Variants in NRG1 observed in about 807,000 individuals in gnomAD.
NRG1 encodes the protein pro-neuregulin-1, membrane-bound isoform.
NRG1 carries 18 observed loss-of-function variants against 63.8 expected under a neutral mutation model. The ratio of observed to expected loss-of-function variants is 0.28; its 90% confidence interval spans 0.19 to 0.42. The LOEUF (loss-of-function observed/expected upper bound fraction) is 0.42, where lower values mean the gene tolerates loss of function less well. Ranked by LOEUF, NRG1 falls within the 10% of genes least tolerant of loss-of-function variation. The probability of loss-of-function intolerance (pLI) is 1.00; values close to 1 mark genes in which losing one functional copy is unlikely to be tolerated. For missense variants in NRG1, 762 were observed against 814.7 expected, an observed-to-expected ratio of 0.94 and a Z score of 0.79; for synonymous variants, 302 against 301.3, an observed-to-expected ratio of 1.00 and a Z score of -0.02.
chr8:31,758,051 GATTTATTT>G lies in NRG1; in HGVS notation c.37+118636_37+118643del, dbSNP rs142445409. ...TACAGTGGGTACTCTGTTGTGCCTG[GATTTATTT>G]ATTTATTTATTTATTACACCTTTAA... On this transcript the variant is annotated intron_variant, in intron 1 of 10. Transcript: ENST00000519301. 5.5e-3 allele frequency among the ~76,000 whole-genome samples: 834 copies of G among 151,940 alleles called. 9 individuals are homozygous for G. The highest frequency in any genetic ancestry group is 0.019 in the African/African-American group (793 of 41,448).
At chr8:32,539,649 A>G (rs1264859067) in intron 1 of NRG1, among the ~76,000 whole-genome samples, 1 of 152,202 alleles carries the variant, frequency 6.6e-6, no homozygotes, top group Non-Finnish European at 1.5e-5. Flanking sequence ...AAAACAACTT[A>G]CAGCTGTAGA....
intron 1 of NRG1, among the ~76,000 whole-genome samples, chr8:32,565,361 G>A (rs1837258631): frequency 6.6e-6 from 1 of 152,080 alleles, no homozygotes; most frequent in Non-Finnish European, 1.5e-5. Context: ...GACCTCAAGC[G>A]ATCCTTCTAC....
intron 1 of NRG1, among the ~76,000 whole-genome samples, chr8:31,889,836 G>A (rs911659924): frequency 3.3e-5 from 5 of 152,168 alleles, no homozygotes; most frequent in African/African-American, 1.2e-4. Flanking sequence ...TGGTTTGCAT[G>A]TTCCATGCAA....
At chr8:32,368,253 G>A (rs1344185614) in intron 1 of NRG1, among the ~76,000 whole-genome samples, 3 of 152,160 alleles carry the variant, frequency 2.0e-5, no homozygotes, top group East Asian at 3.9e-4. Context: ...GAGAGACTGA[G>A]CTTAATTTCT....
At chr8:32,480,747 A>G (rs1825161571) in intron 1 of NRG1, among the ~76,000 whole-genome samples, 1 of 152,164 alleles carries the variant, frequency 6.6e-6, no homozygotes, top group Non-Finnish European at 1.5e-5. Flanking sequence ...GAGCCCACAT[A>G]TCAGATGGTG....
At position 31,927,549 on chromosome 8, in the gene NRG1, C is replaced by T. The variant is rs942898178; in HGVS notation, c.37+288118C>T. On this transcript the variant is annotated intron_variant, in intron 1 of 10. Transcript: ENST00000519301. Reference sequence around the variant, plus strand: ...CTGCAAGCTCCGCCTCCGGGGTTCACGCCATTCTCCTGCCTCAGCCTCCCA... The same window carrying T: ...CTGCAAGCTCCGCCTCCGGGGTTCATGCCATTCTCCTGCCTCAGCCTCCCA... Among the ~76,000 whole-genome samples the T allele has an allele frequency of 4.4e-3, 645 of 146,578 alleles. 8 individuals carry two copies. The highest frequency in any genetic ancestry group is 3.0e-3 in the Non-Finnish European group (197 of 66,624).
At chr8:32,564,134 C>T (rs1836992972) in intron 1 of NRG1, among the ~76,000 whole-genome samples, 1 of 152,092 alleles carries the variant, frequency 6.6e-6, no homozygotes, top group Admixed American at 6.5e-5. Context: ...ACAGAGAATG[C>T]TGTCTGTCAT....
At chr8:31,863,892 A>T (rs531398111) in intron 1 of NRG1, among the ~76,000 whole-genome samples, 1 of 152,346 alleles carries the variant, frequency 6.6e-6, no homozygotes, top group African/African-American at 2.4e-5. Context: ...AGCAATCGCT[A>T]TTCTAAGAAA....
At chr8:32,066,014 C>T (rs187231679) in intron 1 of NRG1, among the ~76,000 whole-genome samples, 31 of 152,326 alleles carry the variant, frequency 2.0e-4, no homozygotes, top group African/African-American at 7.0e-4. Context: ...CTATCCTTTG[C>T]CCACTTTTTG....
At chr8:32,418,003 T>G (rs545935724) in intron 1 of NRG1, among the ~76,000 whole-genome samples, 19 of 152,292 alleles carry the variant, frequency 1.2e-4, no homozygotes, top group African/African-American at 4.1e-4. Context: ...TAAATCCTTA[T>G]GATAGTTTTG....
At chr8:32,631,474 G>A (rs1850300100) in intron 5 of NRG1, among the ~76,000 whole-genome samples, 1 of 152,152 alleles carries the variant, frequency 6.6e-6, no homozygotes, top group African/African-American at 2.4e-5. Context: ...CGACACAGCC[G>A]AACTTTCTAG....
intron 1 of NRG1, among the ~76,000 whole-genome samples, chr8:32,014,035 C>T (rs1815138598): frequency 6.6e-6 from 1 of 152,264 alleles, no homozygotes; most frequent in Admixed American, 6.5e-5. Flanking sequence ...CTCACATCAC[C>T]TTTTCTTTTA....
rs538604785 is a variant in NRG1 at position 32,285,863 on chromosome 8, G to A, written c.38-309965G>A. Among the ~76,000 whole-genome samples, 6 of 152,254 alleles carry A rather than the reference G, an allele frequency of 3.9e-5. No homozygotes were observed. In the South Asian group the frequency reaches 1.2e-3, roughly 32 times the overall value. On this transcript the variant is annotated intron_variant, in intron 1 of 10. Coordinates refer to the NRG1 transcript ENST00000519301. ...TGAACAAACTCTGGCTGCTCTTTAA[G>A]TTCAATGAAGTGAAAAAAAGGCAAG...
intron 1 of NRG1, chr8:31,639,958 G>A: frequency 8.9e-7 from 1 of 1,125,332 alleles, no homozygotes; most frequent in Non-Finnish European, 1.1e-6. Context: ...CGAACCGACA[G>A]CCAGAAGCCC....
At chr8:32,707,253 TAAC>T (rs1353443460) in intron 5 of NRG1, among the ~76,000 whole-genome samples, 3 of 152,056 alleles carry the variant, frequency 2.0e-5, no homozygotes, top group African/African-American at 7.2e-5. Context: ...TGAGTAATAA[TAAC>T]AACACCTTAG....
chr8:32,221,425 A>T (rs1247232131), intron 1 of NRG1, among the ~76,000 whole-genome samples: 2 of 152,220 alleles, frequency 1.3e-5, no homozygotes, highest in Non-Finnish European at 2.9e-5. Flanking sequence ...CTTTTGCAAG[A>T]CTGTGTTGCC....
At chr8:32,370,335 A>G (rs891898642) in intron 1 of NRG1, among the ~76,000 whole-genome samples, 19 of 152,218 alleles carry the variant, frequency 1.2e-4, no homozygotes, top group African/African-American at 4.6e-4. Flanking sequence ...GTGGCAGATA[A>G]TGTGTCCAAG....
At chr8:32,011,905 G>A (rs1443384604) in intron 1 of NRG1, among the ~76,000 whole-genome samples, 1 of 152,114 alleles carries the variant, frequency 6.6e-6, no homozygotes, top group Non-Finnish European at 1.5e-5. Flanking sequence ...AACCCTGACA[G>A]TCAGTGGCAG....
At chr8:32,221,004 T>G (rs1437573007) in intron 1 of NRG1, 1 of 152,144 alleles carries the variant, frequency 6.6e-6, no homozygotes, top group Non-Finnish European at 1.5e-5. Context: ...ATGAGATTTA[T>G]CCGTAAACGA....
Sources: gnomAD v4.1 joint callset for allele counts (sites outside exome capture counted in the v4.1 genomes callset) on GRCh38, gnomAD v4.1.1 for gene constraint, MANE v1.5 for transcripts, NCBI Gene and HGNC (gene_info 2026-07-23, HGNC 2026-07-21) for gene names.